AK3: variants seen among roughly 807,000 people sequenced by gnomAD.
AK3 encodes the protein adenylate kinase 3, also known as GTP:AMP phosphotransferase AK3, mitochondrial.
In AK3, 27 loss-of-function variants were observed where a neutral mutation model predicts 23.7. The ratio of observed to expected loss-of-function variants is 1.14; its 90% CI spans 0.84 to 1.57. The LOEUF (loss-of-function observed/expected upper bound fraction) is 1.57. Ranked by LOEUF, AK3 falls within the 40% of genes most tolerant of loss-of-function variation. The probability of loss-of-function intolerance (pLI) is 0.00; values close to 1 mark genes in which losing one functional copy is unlikely to be tolerated. For synonymous variants in AK3, 159 were observed against 116.0 expected (o/e 1.37, Z -2.38); for missense variants, 406 against 285.6 (o/e 1.42, Z -3.04).
intron 1 of AK3, among the ~76,000 whole-genome samples, chr9:4,734,916 A>G (rs927058959): frequency 1.3e-5 from 2 of 152,304 alleles, no homozygotes; most frequent in African/African-American, 4.8e-5. Context: ...CACATATTGT[A>G]TGATTGCATT....
intron 1 of AK3, among the ~76,000 whole-genome samples, chr9:4,729,408 G>A (rs963497312): frequency 6.6e-6 from 1 of 152,114 alleles, no homozygotes; most frequent in Admixed American, 6.5e-5. Context: ...GGAGCTCAAC[G>A]CTGCAGTGAG....
In AK3 at chr9:4,735,799, A is replaced by T. The variant is rs543882420; in HGVS notation, c.151+5138T>A. On this transcript the variant is annotated intron_variant, in intron 1 of 4. Transcript: ENST00000381809. Reference sequence around the variant, plus strand: ...AATATTTTAAAAAGAAAAAAATTTTAAAAGAAAAAATATATTAATTTAAAA... The same window carrying T: ...AATATTTTAAAAAGAAAAAAATTTTTAAAGAAAAAATATATTAATTTAAAA... Among the ~76,000 whole-genome samples the T allele has an allele frequency of 5.6e-3, 743 of 133,108 alleles. 5 individuals carry two copies. The highest frequency in any genetic ancestry group is 0.02 in the African/African-American group (714 of 36,202). 87.3% of individuals were successfully genotyped at this position (133,108 alleles called of 152,430 possible).
intron 1 of AK3, among the ~76,000 whole-genome samples, chr9:4,731,028 G>C (rs1215331527): frequency 1.3e-5 from 2 of 152,164 alleles, no homozygotes; most frequent in Admixed American, 6.5e-5. Flanking sequence ...TGGAAGGATG[G>C]TCTTGTAACT....
intron 1 of AK3, among the ~76,000 whole-genome samples, chr9:4,735,482 T>A (rs71490245): frequency 0.14 from 11,525 of 80,726 alleles, 1,806 homozygotes; most frequent in East Asian, 0.37. Context: ...ATATATATTT[T>A]TTTTTTTTTT....
chr9:4,719,900 T>C (rs536136343), intron 2 of AK3, among the ~76,000 whole-genome samples: 63 of 152,154 alleles, frequency 4.1e-4, no homozygotes, highest in African/African-American at 1.5e-3. Context: ...ATCCCATCTC[T>C]ACAAAAATAC....
chr9:4,736,841 C>T (rs546487316), intron 1 of AK3, among the ~76,000 whole-genome samples: 2 of 152,132 alleles, frequency 1.3e-5, no homozygotes, highest in African/African-American at 2.4e-5. Flanking sequence ...CCACATCCAG[C>T]TAATGTTTTT....
At chr9:4,731,279 T>C (rs1461318985) in intron 1 of AK3, among the ~76,000 whole-genome samples, 1 of 152,072 alleles carries the variant, frequency 6.6e-6, no homozygotes, top group East Asian at 1.9e-4. Flanking sequence ...CCCACCTCCA[T>C]CCTCTGAAAG....
chr9:4,734,931 T>C (rs1210036387), intron 1 of AK3, among the ~76,000 whole-genome samples: 2 of 152,046 alleles, frequency 1.3e-5, no homozygotes, highest in Non-Finnish European at 2.9e-5. Context: ...TGCATTTGTA[T>C]GAAATGTCCA....
intron 1 of AK3, among the ~76,000 whole-genome samples, chr9:4,739,798 G>A (rs1842381873): frequency 6.6e-6 from 1 of 152,030 alleles, no homozygotes; most frequent in South Asian, 2.1e-4. Context: ...CGGCGTGGTG[G>A]CATGCGCCTG....
intron 1 of AK3, among the ~76,000 whole-genome samples, chr9:4,735,782 A>C (rs888733734): frequency 3.7e-3 from 11 of 2,956 alleles, no homozygotes; most frequent in Non-Finnish European, 6.2e-3. Flanking sequence ...AAAATATTTT[A>C]AAAAGAAAAA....
chr9:4,718,355 G>T, intron 4 of AK3, 64 bp downstream of exon 4: 1 of 1,248,906 alleles, frequency 8.0e-7, no homozygotes, highest in African/African-American at 1.5e-5. Context: ...TGTAGAGGAA[G>T]GAAAATCAAA....
At chr9:4,735,148 C>A (rs1228819933) in intron 1 of AK3, among the ~76,000 whole-genome samples, 1 of 148,756 alleles carries the variant, frequency 6.7e-6, no homozygotes, top group African/African-American at 2.5e-5. Flanking sequence ...AATCCCAACA[C>A]CTTGAGAGGC....
intron 1 of AK3, among the ~76,000 whole-genome samples, chr9:4,740,284 A>C (rs1282562483): frequency 2.0e-5 from 3 of 150,664 alleles, no homozygotes; most frequent in Non-Finnish European, 3.0e-5. Flanking sequence ...TAGATTGTTA[A>C]CTGCCTTTCG....
chr9:4,719,142 T>G lies in AK3; in HGVS notation c.437A>C (p.Lys146Thr). The change falls in exon 3 of 5, where the codon AAA (lysine) becomes ACA (threonine). Residue 146 changes from lysine (K) to threonine (T), a missense_variant. Transcript: ENST00000381809. ...TCCACAACAACTACTCACCACAGTTTTGGGAGGGTTGAATTCAATGTTATA... is the reference window on the plus strand; with the variant it reads ...TCCACAACAACTACTCACCACAGTTGTGGGAGGGTTGAATTCAATGTTATA... ...RVYNIEFNPPKTVGIDDLTGE... is the reference protein window; with the variant it reads ...RVYNIEFNPPTTVGIDDLTGE... The G allele has an allele frequency of 6.2e-7, 1 of 1,611,742 alleles. No individual in the cohort carries two copies. The highest frequency in any genetic ancestry group is 8.5e-7 in the Non-Finnish European group (1 of 1,179,796).
At chr9:4,724,253 C>T (rs747303180) in intron 1 of AK3, among the ~76,000 whole-genome samples, 2 of 151,930 alleles carry the variant, frequency 1.3e-5, no homozygotes, top group Non-Finnish European at 2.9e-5. Context: ...TCATCAACAG[C>T]ATTTGGAAAA....
intron 2 of AK3, among the ~76,000 whole-genome samples, chr9:4,722,209 A>C (rs1458428257): frequency 2.0e-5 from 3 of 152,120 alleles, no homozygotes; most frequent in Non-Finnish European, 4.4e-5. Context: ...ATTGTAAATT[A>C]CTCTTGGGTC....
intron 1 of AK3, among the ~76,000 whole-genome samples, chr9:4,738,761 C>CTTTTTT (rs35812152): frequency 4.7e-4 from 35 of 75,084 alleles, no homozygotes; most frequent in Non-Finnish European, 6.2e-4. Context: ...ATATGCTTTA[C>CTTTTTT]TTTTTTTTTT....
At chr9:4,730,864 G>A (rs949656257) in intron 1 of AK3, among the ~76,000 whole-genome samples, 2 of 151,924 alleles carry the variant, frequency 1.3e-5, no homozygotes, top group Non-Finnish European at 2.9e-5. Context: ...TATAGTTATT[G>A]TGAAAAAAAT....
chr9:4,720,482 G>C (rs556021892), intron 2 of AK3, among the ~76,000 whole-genome samples: 1 of 152,080 alleles, frequency 6.6e-6, no homozygotes. Context: ...CCAGGAGTTT[G>C]AGACCAGCCT....
Sources: gnomAD v4.1 joint callset for allele counts (sites outside exome capture counted in the v4.1 genomes callset) on GRCh38, gnomAD v4.1.1 for gene constraint, MANE v1.5 for transcripts, NCBI Gene and HGNC (gene_info 2026-07-23, HGNC 2026-07-21) for gene names.